The following DLGAP2 variants were observed in gnomAD, a reference collection of about 807,000 sequenced individuals.
DLGAP2 encodes disks large-associated protein 2.
In DLGAP2, 26 loss-of-function variants were observed where a neutral mutation model predicts 100.3. The observed-to-expected ratio is 0.26, with a 90% CI of 0.19 to 0.36. The LOEUF (loss-of-function observed/expected upper bound fraction) is 0.36. Among genes scored for constraint, DLGAP2 ranks in the 10% least tolerant of loss-of-function variants. The pLI is 1.00. For synonymous variants in DLGAP2, 886 were observed against 630.1 expected, an observed-to-expected ratio of 1.41 and a Z score of -6.08; for missense variants, 1,858 against 1,453.2, an observed-to-expected ratio of 1.28 and a Z score of -4.53.
chr8:1,586,086 G>A (rs183962700), intron 6 of DLGAP2, among the ~76,000 whole-genome samples: 149 of 152,340 alleles, frequency 9.8e-4, no homozygotes, highest in African/African-American at 3.1e-3. Context: ...TCTTAAAACA[G>A]GGCGTTTATC....
At chr8:1,297,472 A>G (rs909116158) in intron 3 of DLGAP2, among the ~76,000 whole-genome samples, 7 of 151,756 alleles carry the variant, frequency 4.6e-5, no homozygotes, top group Admixed American at 2.6e-4. Context: ...ATGCGTGAAC[A>G]GACACTACAC....
chr8:1,072,872 C>T (rs372738748), intron 2 of DLGAP2, among the ~76,000 whole-genome samples: 2 of 152,292 alleles, frequency 1.3e-5, no homozygotes, highest in East Asian at 1.9e-4. Flanking sequence ...TGAGTGTGCC[C>T]GGGGACCCTG....
chr8:1,380,370 T>A (rs1372498434), intron 3 of DLGAP2: 1 of 152,126 alleles, frequency 6.6e-6, no homozygotes, highest in East Asian at 1.9e-4. Context: ...CTCCAGAAAT[T>A]ATGAAATAAA....
At chr8:868,797 C>T (rs1040767036) in intron 1 of DLGAP2, among the ~76,000 whole-genome samples, 14 of 152,140 alleles carry the variant, frequency 9.2e-5, no homozygotes, top group Non-Finnish European at 1.5e-4. Flanking sequence ...CTGAGGCCAC[C>T]GCACCTCCGG....
intron 1 of DLGAP2, 167 bp downstream of exon 1, chr8:737,992 C>A: frequency 3.1e-6 from 1 of 325,606 alleles, no homozygotes; most frequent in Non-Finnish European, 5.6e-6. Flanking sequence ...CGCTGGGGAC[C>A]CCAGGGACAG....
At chr8:1,197,324 C>T (rs1386562761) in intron 2 of DLGAP2, among the ~76,000 whole-genome samples, 4 of 152,228 alleles carry the variant, frequency 2.6e-5, no homozygotes, top group African/African-American at 4.8e-5. Context: ...GAATTCACCA[C>T]GACACCCTCC....
chr8:837,142 G>T (rs1796894095), intron 1 of DLGAP2, among the ~76,000 whole-genome samples: 1 of 152,214 alleles, frequency 6.6e-6, no homozygotes, highest in African/African-American at 2.4e-5. Flanking sequence ...CACGTGGGTG[G>T]CAGCGCCTTC....
intron 8 of DLGAP2, among the ~76,000 whole-genome samples, chr8:1,645,199 T>C (rs574358021): frequency 1.2e-4 from 18 of 152,372 alleles, no homozygotes; most frequent in African/African-American, 4.1e-4. Flanking sequence ...TAAAGATGGT[T>C]GGACTTACAA....
chr8:1,004,292 A>G (rs1801044221), intron 2 of DLGAP2, among the ~76,000 whole-genome samples: 1 of 152,216 alleles, frequency 6.6e-6, no homozygotes, highest in East Asian at 1.9e-4. Context: ...GCGTGACAGA[A>G]ACCTCCCAAG....
chr8:960,252 T>TTTTTTTTTTTTTTTTTTTTTTTG (rs369284313), intron 2 of DLGAP2, among the ~76,000 whole-genome samples: 4 of 142,014 alleles, frequency 2.8e-5, no homozygotes, highest in South Asian at 2.3e-4. Flanking sequence ...TTTTTTTTTT[T>TTTTTTTTTTTTTTTTTTTTTTTG]CCCGAGACAC....
intron 3 of DLGAP2, among the ~76,000 whole-genome samples, chr8:1,472,323 G>A (rs879886352): frequency 3.9e-5 from 6 of 152,338 alleles, no homozygotes; most frequent in South Asian, 2.1e-4. Flanking sequence ...GGCCAGGGGC[G>A]CAGGTGCCAT....
At chr8:1,357,067 A>G (rs1231180286) in intron 3 of DLGAP2, among the ~76,000 whole-genome samples, 1 of 149,872 alleles carries the variant, frequency 6.7e-6, no homozygotes, top group Admixed American at 6.6e-5. Flanking sequence ...TTCTGTTTGC[A>G]GACTTTGATC....
intron 1 of DLGAP2, among the ~76,000 whole-genome samples, chr8:871,984 G>A (rs1017695728): frequency 2.6e-5 from 4 of 152,070 alleles, no homozygotes; most frequent in Non-Finnish European, 4.4e-5. Context: ...CAGTTTTTGC[G>A]TTAGCTATTT....
At chr8:1,099,119 T>C (rs533517826) in intron 2 of DLGAP2, among the ~76,000 whole-genome samples, 1 of 152,112 alleles carries the variant, frequency 6.6e-6, no homozygotes, top group Non-Finnish European at 1.5e-5. Flanking sequence ...ATAACCCCAG[T>C]TCTCAGCCTC....
chr8:1,078,944 A>G (rs1335403048), intron 2 of DLGAP2, among the ~76,000 whole-genome samples: 2 of 152,226 alleles, frequency 1.3e-5, no homozygotes, highest in African/African-American at 2.4e-5. Context: ...TGGATTGTCT[A>G]GTAGAAGTAT....
intron 2 of DLGAP2, among the ~76,000 whole-genome samples, chr8:1,106,069 T>C (rs893742027): frequency 7.0e-6 from 1 of 142,728 alleles, no homozygotes; most frequent in Non-Finnish European, 1.5e-5. Flanking sequence ...GGTTTTCTAT[T>C]GAGGGGAGCC....
chr8:1,046,543 T>C (rs1802520623), intron 2 of DLGAP2, among the ~76,000 whole-genome samples: 1 of 152,194 alleles, frequency 6.6e-6, no homozygotes, highest in African/African-American at 2.4e-5. Context: ...AGAATCCACA[T>C]TGCATGTGGG....
intron 3 of DLGAP2, among the ~76,000 whole-genome samples, chr8:1,337,013 C>T (rs375133777): frequency 2.6e-5 from 4 of 152,146 alleles, no homozygotes; most frequent in Non-Finnish European, 4.4e-5. Flanking sequence ...GGCAATGAGT[C>T]TCTAGAATAG....
chr8:1,325,594 T>C (rs1801003056), intron 3 of DLGAP2, among the ~76,000 whole-genome samples: 1 of 152,158 alleles, frequency 6.6e-6, no homozygotes, highest in South Asian at 2.1e-4. Flanking sequence ...AAAAGGGATC[T>C]CCCCTGAAAG....
Sources: gnomAD v4.1 joint callset for allele counts (sites outside exome capture counted in the v4.1 genomes callset) on GRCh38, gnomAD v4.1.1 for gene constraint, MANE v1.5 for transcripts, NCBI Gene and HGNC (gene_info 2026-07-23, HGNC 2026-07-21) for gene names.